Variants in C12orf56 observed in about 807,000 individuals in gnomAD.
The protein encoded by C12orf56 is chromosome 12 open reading frame 56.
A neutral mutation model predicts 69.9 loss-of-function variants in C12orf56; 71 were observed. The observed-to-expected ratio is 1.02, with a 90% CI of 0.84 to 1.24. C12orf56 has a LOEUF of 1.24. C12orf56 is among the 50% of genes most tolerant of loss of function. C12orf56 has a pLI of 0.00. For synonymous variants in C12orf56, 276 were observed against 274.1 expected, an observed-to-expected ratio of 1.01 and a Z score of -0.07; for missense variants, 732 against 738.5, an observed-to-expected ratio of 0.99 and a Z score of 0.10.
At chr12:64,379,883 A>G (rs1386550118) in intron 1 of C12orf56, among the ~76,000 whole-genome samples, 1 of 147,182 alleles carries the variant, frequency 6.8e-6, no homozygotes, top group Non-Finnish European at 1.5e-5. Flanking sequence ...GGAGATCCAG[A>G]CCATCCTGGC....
chr12:64,318,667 C>G lies in C12orf56; in HGVS notation c.802G>C (p.Glu268Gln). Residue 268 changes from glutamate to glutamine, a missense_variant, in exon 4 of 13, where the codon GAG (glutamate) becomes CAG (glutamine). Glu to Gln is a conservative substitution (Grantham distance 29, BLOSUM62 2). Transcript: ENST00000543942. ...DSPSQSNSNL[E>Q]KKESELHLYV... is the part of the protein sequence containing the mutation. ...AAATGAAGTTCTGACTCCTTTTTCT[C>G]TAAATTTGAGTTGCTCTGTGAAGGG... 1 of 1,536,896 alleles carries G rather than the reference C, an allele frequency of 6.5e-7. No individual in the cohort carries two copies. The highest frequency in any genetic ancestry group is 8.7e-7 in the Non-Finnish European group (1 of 1,146,730).
intron 2 of C12orf56, chr12:64,338,217 C>T (rs2039022341): frequency 1.9e-5 from 11 of 571,296 alleles, no homozygotes; most frequent in Non-Finnish European, 3.4e-5. Flanking sequence ...ACAAGCCCCC[C>T]GACTTCTGGC....
chr12:64,270,078 T>G (rs575998083), intron 12 of C12orf56, among the ~76,000 whole-genome samples: 1 of 152,124 alleles, frequency 6.6e-6, no homozygotes, highest in South Asian at 2.1e-4. Flanking sequence ...CCTACCATTT[T>G]CACAGATCAA....
At chr12:64,356,170 CAAAAAAA>C (rs761289428) in intron 1 of C12orf56, among the ~76,000 whole-genome samples, 4 of 48,432 alleles carry the variant, frequency 8.3e-5, no homozygotes, top group African/African-American at 3.8e-4. Context: ...GACTCCATCT[CAAAAAAA>C]AAAAAAAAAA....
chr12:64,363,109 A>G (rs2039419600), intron 1 of C12orf56, among the ~76,000 whole-genome samples: 1 of 152,154 alleles, frequency 6.6e-6, no homozygotes, highest in African/African-American at 2.4e-5. Flanking sequence ...GTGGCCCAGT[A>G]GGTCGCAGCC....
intron 6 of C12orf56, among the ~76,000 whole-genome samples, chr12:64,289,068 C>T (rs2038250211): frequency 7.5e-6 from 1 of 134,154 alleles, no homozygotes; most frequent in Non-Finnish European, 1.6e-5. Context: ...TCCTTCACAT[C>T]CCTTGTAAGT....
rs1379845114 is a variant in C12orf56 at position 64,277,811 on chromosome 12, A to T, written c.1311-8T>A. ...AGATTAAATAGTGCTCCCCTGGAAAAAAATAAATAAAAGGCAATTAGTGAG... is the reference window on the plus strand; with the variant it reads ...AGATTAAATAGTGCTCCCCTGGAAATAAATAAATAAAAGGCAATTAGTGAG... On this transcript the variant is annotated splice_polypyrimidine_tract_variant and splice_region_variant and intron_variant, in intron 8 of 12. Transcript: ENST00000543942. 4 of 1,532,584 alleles carry T rather than the reference A, an allele frequency of 2.6e-6. No homozygotes were observed. In the Admixed American group the frequency reaches 5.9e-5, roughly 23 times the overall value. 94.9% of individuals were successfully genotyped at this position (1,532,584 alleles called of 1,614,324 possible).
chr12:64,362,568 T>A (rs2039413320), intron 1 of C12orf56, among the ~76,000 whole-genome samples: 1 of 152,050 alleles, frequency 6.6e-6, no homozygotes, highest in Non-Finnish European at 1.5e-5. Context: ...TTTGGGTGCC[T>A]GTAATCTCAG....
intron 3 of C12orf56, among the ~76,000 whole-genome samples, chr12:64,326,341 A>G (rs1489535235): frequency 1.3e-5 from 2 of 152,378 alleles, no homozygotes; most frequent in East Asian, 3.9e-4. Flanking sequence ...ACAAAATTCT[A>G]CAAATAGAAC....
intron 5 of C12orf56, among the ~76,000 whole-genome samples, chr12:64,307,531 G>A (rs2038531207): frequency 2.0e-5 from 3 of 151,848 alleles, no homozygotes; most frequent in Admixed American, 2.0e-4. Context: ...CACCATGCCT[G>A]TCTAATTTTT....
chr12:64,329,651 T>C (rs926899580), intron 3 of C12orf56, among the ~76,000 whole-genome samples: 134 of 145,860 alleles, frequency 9.2e-4, no homozygotes, highest in African/African-American at 3.2e-3. Context: ...GCATTAGGTA[T>C]ATCTCCCAAT....
At chr12:64,346,203 C>T (rs780637795) in intron 2 of C12orf56, among the ~76,000 whole-genome samples, 5 of 152,124 alleles carry the variant, frequency 3.3e-5, no homozygotes, top group Admixed American at 6.5e-5. Flanking sequence ...GGCTGAGGAG[C>T]AAAGAGAGTC....
At chr12:64,365,932 G>T (rs1407725573) in intron 1 of C12orf56, among the ~76,000 whole-genome samples, 4 of 129,402 alleles carry the variant, frequency 3.1e-5, no homozygotes, top group Non-Finnish European at 4.6e-5. Context: ...TATATATTAT[G>T]TATAGTGTAT....
chr12:64,310,292 C>A (rs927531926), intron 5 of C12orf56, among the ~76,000 whole-genome samples: 1 of 152,180 alleles, frequency 6.6e-6, no homozygotes, highest in African/African-American at 2.4e-5. Context: ...CAGGCATGAG[C>A]CACCATACCT....
chr12:64,335,923 T>C (rs2038990514), intron 2 of C12orf56, among the ~76,000 whole-genome samples: 2 of 152,192 alleles, frequency 1.3e-5, no homozygotes, highest in Admixed American at 1.3e-4. Flanking sequence ...AATAATTACC[T>C]TTATTTAAGT....
intron 1 of C12orf56, among the ~76,000 whole-genome samples, chr12:64,363,402 A>G (rs917098491): frequency 6.6e-6 from 1 of 152,220 alleles, no homozygotes; most frequent in Non-Finnish European, 1.5e-5. Context: ...TGGGTTGTTT[A>G]AACACTGTAC....
chr12:64,341,508 T>C (rs190410033), intron 2 of C12orf56, among the ~76,000 whole-genome samples: 8 of 152,320 alleles, frequency 5.3e-5, no homozygotes, highest in Non-Finnish European at 1.0e-4. Context: ...AGGAGGAACA[T>C]GGTAAGACCA....
chr12:64,365,162 CTTTTTTT>C (rs386376771), intron 1 of C12orf56, among the ~76,000 whole-genome samples: 1 of 123,076 alleles, frequency 8.1e-6, no homozygotes, highest in Non-Finnish European at 1.6e-5. Context: ...AAAGCTGTTC[CTTTTTTT>C]TTTTTTTTTT....
At chr12:64,355,077 C>CAA (rs59799966) in intron 1 of C12orf56, among the ~76,000 whole-genome samples, 2,906 of 86,964 alleles carry the variant, frequency 0.033, 168 homozygotes, top group African/African-American at 0.11. Context: ...GACTCCGTCT[C>CAA]AAAAAAAAAA....
Sources: allele counts gnomAD v4.1 joint callset (sites outside exome capture counted in the v4.1 genomes callset), GRCh38; gene constraint gnomAD v4.1.1; transcripts MANE v1.5; gene names NCBI Gene and HGNC (gene_info 2026-07-23, HGNC 2026-07-21).